VTI1A: variants seen among roughly 807,000 people sequenced by gnomAD.
VTI1A encodes the protein vesicle transport through interaction with t-SNAREs homolog 1A.
A neutral mutation model predicts 34.9 loss-of-function variants in VTI1A; 22 were observed. The ratio of observed to expected loss-of-function variants is 0.63; its 90% CI spans 0.45 to 0.90. The LOEUF (loss-of-function observed/expected upper bound fraction) is 0.90, where lower values mean the gene tolerates loss of function less well. Ranked by LOEUF, VTI1A falls within the 40% of genes least tolerant of loss-of-function variation. The pLI is 0.00. For missense variants in VTI1A, 268 were observed against 275.6 expected (o/e 0.97, Z 0.20); for synonymous variants, 87 against 97.3 (o/e 0.89, Z 0.62).
chr10:112,677,912 C>T (rs1009158769), intron 7 of VTI1A: 1 of 152,248 alleles, frequency 6.6e-6, no homozygotes, highest in Non-Finnish European at 1.5e-5. Flanking sequence ...AGCCTCCTCA[C>T]ATTTGGCTCA....
chr10:112,707,048 T>C (rs1590095494), intron 7 of VTI1A, among the ~76,000 whole-genome samples: 1 of 152,234 alleles, frequency 6.6e-6, no homozygotes, highest in East Asian at 1.9e-4. Flanking sequence ...ATTACTTTCA[T>C]ATTTATTATT....
chr10:112,841,226 C>T, the VTI1A span, among the ~76,000 whole-genome samples: 1 of 152,154 alleles, frequency 6.6e-6, no homozygotes, highest in African/African-American at 2.4e-5. Flanking sequence ...CCAACTAGGC[C>T]CCCACCTCAG....
At chr10:112,658,538 CT>C (rs1251710776) in intron 5 of VTI1A, among the ~76,000 whole-genome samples, 1 of 152,144 alleles carries the variant, frequency 6.6e-6, no homozygotes, top group Non-Finnish European at 1.5e-5. Context: ...TGTACTGCCT[CT>C]TAAAATGCGG....
At chr10:112,623,872 G>T (rs575634123) in intron 5 of VTI1A, among the ~76,000 whole-genome samples, 2 of 152,198 alleles carry the variant, frequency 1.3e-5, no homozygotes, top group Non-Finnish European at 2.9e-5. Flanking sequence ...TTTAAGAACT[G>T]ATTATAAACA....
intron 5 of VTI1A, among the ~76,000 whole-genome samples, chr10:112,577,434 C>T (rs1349573933): frequency 6.6e-6 from 1 of 152,046 alleles, no homozygotes; most frequent in Admixed American, 6.5e-5. Flanking sequence ...GTATATACCA[C>T]CAAGAGTAGA....
At chr10:112,707,876 G>C (rs1849255287) in intron 7 of VTI1A, among the ~76,000 whole-genome samples, 3 of 152,176 alleles carry the variant, frequency 2.0e-5, no homozygotes. Context: ...AAGTCTGTTT[G>C]GTTCATGTAA....
intron 7 of VTI1A, among the ~76,000 whole-genome samples, chr10:112,736,029 TTATA>T (rs1381549465): frequency 6.8e-6 from 1 of 147,414 alleles, no homozygotes; most frequent in Non-Finnish European, 1.5e-5. Flanking sequence ...TATTTTATAT[TTATA>T]TATAGTATAT....
chr10:112,662,916 T>G (rs967191196), intron 5 of VTI1A, among the ~76,000 whole-genome samples: 7 of 110,824 alleles, frequency 6.3e-5, no homozygotes, highest in Admixed American at 6.2e-4. Flanking sequence ...TGTTTATGCT[T>G]CTTCTTACAA....
intron 7 of VTI1A, among the ~76,000 whole-genome samples, chr10:112,745,440 A>G (rs372380150): frequency 6.6e-6 from 1 of 151,934 alleles, no homozygotes; most frequent in Non-Finnish European, 1.5e-5. Context: ...ACGTACCTCC[A>G]GTGTCGAGTG....
At chr10:112,755,466 T>C (rs866724809) in intron 7 of VTI1A, among the ~76,000 whole-genome samples, 4 of 152,078 alleles carry the variant, frequency 2.6e-5, no homozygotes, top group Non-Finnish European at 4.4e-5. Flanking sequence ...AGTGGAGAAG[T>C]AGGAGTGCTT....
chr10:112,736,277 A>G (rs910568954), intron 7 of VTI1A, among the ~76,000 whole-genome samples: 15 of 151,458 alleles, frequency 9.9e-5, no homozygotes, highest in African/African-American at 3.2e-4. Flanking sequence ...TCTCATATTT[A>G]TTTCCTTTCT....
chr10:112,842,051 C>CTTTTTTTTT, the VTI1A span, among the ~76,000 whole-genome samples: 12 of 66,648 alleles, frequency 1.8e-4, no homozygotes, highest in African/African-American at 2.5e-4. Flanking sequence ...TTTTTTTTTC[C>CTTTTTTTTT]TTTTTTTTTT....
intron 5 of VTI1A, among the ~76,000 whole-genome samples, chr10:112,608,547 A>C (rs1845175742): frequency 6.6e-6 from 1 of 152,168 alleles, no homozygotes; most frequent in South Asian, 2.1e-4. Flanking sequence ...AAATATATCT[A>C]ATCACTGGTA....
chr10:112,632,608 G>T (rs1846175170), intron 5 of VTI1A, among the ~76,000 whole-genome samples: 1 of 152,188 alleles, frequency 6.6e-6, no homozygotes. Context: ...TCACATACCA[G>T]CTCATCAATA....
chr10:112,627,584 C>T (rs910332169), intron 5 of VTI1A, among the ~76,000 whole-genome samples: 1 of 152,080 alleles, frequency 6.6e-6, no homozygotes, highest in Non-Finnish European at 1.5e-5. Flanking sequence ...AGGGTTTCTC[C>T]CCTATGTATT....
chr10:112,724,842 G>C (rs1195893788), intron 7 of VTI1A, among the ~76,000 whole-genome samples: 1 of 148,290 alleles, frequency 6.7e-6, no homozygotes, highest in Non-Finnish European at 1.5e-5. Flanking sequence ...CACACACAGA[G>C]ACAAAATAGT....
At chr10:112,508,085 C>T (rs1849491932) in intron 3 of VTI1A, among the ~76,000 whole-genome samples, 1 of 152,090 alleles carries the variant, frequency 6.6e-6, no homozygotes, top group Non-Finnish European at 1.5e-5. Flanking sequence ...TTTTCTATAT[C>T]CTTTGGGAAG....
the VTI1A span, among the ~76,000 whole-genome samples, chr10:112,850,261 T>C: frequency 3.3e-5 from 5 of 151,860 alleles, no homozygotes; most frequent in African/African-American, 9.7e-5. Flanking sequence ...CCTGGGGCCT[T>C]CTGAAATAAG....
chr10:112,596,978 G>A (rs140349754), intron 5 of VTI1A, among the ~76,000 whole-genome samples: 12 of 152,044 alleles, frequency 7.9e-5, no homozygotes, highest in East Asian at 5.8e-4. Context: ...TTAGTTTTTC[G>A]TTTGAATGTA....
Sources: allele counts gnomAD v4.1 joint callset (sites outside exome capture counted in the v4.1 genomes callset), GRCh38; gene constraint gnomAD v4.1.1; transcripts MANE v1.5; gene names NCBI Gene and HGNC (gene_info 2026-07-23, HGNC 2026-07-21).